Variants in SNTG1 observed in about 807,000 individuals in gnomAD.
SNTG1 encodes gamma-1-syntrophin.
SNTG1 carries 39 observed loss-of-function variants against 74.7 expected under a neutral mutation model. That is an observed-to-expected ratio of 0.52 (90% CI 0.40 to 0.68). The LOEUF is 0.68. Ranked by LOEUF, SNTG1 falls within the 30% of genes least tolerant of loss-of-function variation. The probability of loss-of-function intolerance (pLI) is 0.00; values close to 1 mark genes in which losing one functional copy is unlikely to be tolerated. For synonymous variants in SNTG1, 254 were observed against 217.1 expected, an observed-to-expected ratio of 1.17 and a Z score of -1.49; for missense variants, 685 against 609.5, an observed-to-expected ratio of 1.12 and a Z score of -1.30.
At chr8:50,516,947 C>T (rs1412587104) in intron 9 of SNTG1, among the ~76,000 whole-genome samples, 1 of 152,140 alleles carries the variant, frequency 6.6e-6, no homozygotes, top group Non-Finnish European at 1.5e-5. Context: ...ACAGAGAACA[C>T]CACAAAGACA....
intron 12 of SNTG1, among the ~76,000 whole-genome samples, chr8:50,587,023 CAT>C (rs1284381975): frequency 6.6e-6 from 1 of 151,984 alleles, no homozygotes; most frequent in Non-Finnish European, 1.5e-5. Flanking sequence ...TTGTCATACA[CAT>C]ATGTCTACTT....
intron 1 of SNTG1, among the ~76,000 whole-genome samples, chr8:50,130,396 AAG>A (rs1563636018): frequency 6.6e-6 from 1 of 152,144 alleles, no homozygotes; most frequent in Non-Finnish European, 1.5e-5. Flanking sequence ...AATATCAAGA[AAG>A]AGAAATACGA....
intron 17 of SNTG1, among the ~76,000 whole-genome samples, chr8:50,740,031 C>T (rs1375212038): frequency 6.6e-6 from 1 of 152,004 alleles, no homozygotes; most frequent in Non-Finnish European, 1.5e-5. Context: ...GGAATACAGC[C>T]TAGGCAATAC....
At chr8:50,369,458 T>G (rs1345950596) in intron 2 of SNTG1, among the ~76,000 whole-genome samples, 3 of 151,120 alleles carry the variant, frequency 2.0e-5, no homozygotes, top group Non-Finnish European at 3.0e-5. Context: ...TAGCCAGGGG[T>G]GGTAGTGCAT....
intron 8 of SNTG1, among the ~76,000 whole-genome samples, chr8:50,458,661 C>A (rs955067484): frequency 6.6e-6 from 1 of 152,052 alleles, no homozygotes; most frequent in Admixed American, 6.6e-5. Flanking sequence ...TCTACACTTG[C>A]CATGAAGTAG....
rs537230134 is a variant in SNTG1 at position 50,439,779 on chromosome 8, C to T, written c.219+1180C>T. On this transcript the variant is annotated intron_variant, in intron 5 of 18. Transcript: ENST00000642720. ...ATTGCTGTAAAGAATTTAAAAGTAC[C>T]ACTAAAGATACTAGAAAATCCATGA... 4.8e-5 allele frequency among the ~76,000 whole-genome samples: 7 copies of T among 146,692 alleles called. 1 individual carries two copies. The highest frequency in any genetic ancestry group is 1.8e-4 in the African/African-American group (7 of 39,754).
At chr8:50,203,861 C>A (rs1279543157) in intron 2 of SNTG1, among the ~76,000 whole-genome samples, 1 of 151,830 alleles carries the variant, frequency 6.6e-6, no homozygotes, top group Non-Finnish European at 1.5e-5. Context: ...ATAAAAATAA[C>A]AATGTAGGAT....
At chr8:50,346,227 C>T (rs1483088982) in intron 2 of SNTG1, among the ~76,000 whole-genome samples, 1 of 152,246 alleles carries the variant, frequency 6.6e-6, no homozygotes, top group Non-Finnish European at 1.5e-5. Flanking sequence ...ATTTTCCCAA[C>T]AGCATGTGCT....
chr8:50,684,552 A>T (rs915725544), intron 15 of SNTG1, among the ~76,000 whole-genome samples: 2 of 152,102 alleles, frequency 1.3e-5, no homozygotes, highest in Non-Finnish European at 2.9e-5. Context: ...ATGAAAACTG[A>T]TTTAAGTATA....
intron 2 of SNTG1, among the ~76,000 whole-genome samples, chr8:50,297,891 T>G (rs2089462720): frequency 6.6e-6 from 1 of 151,764 alleles, no homozygotes; most frequent in African/African-American, 2.4e-5. Context: ...TTTTTTTTTT[T>G]TTTACAACAA....
intron 2 of SNTG1, among the ~76,000 whole-genome samples, chr8:50,358,645 T>C (rs1374230434): frequency 1.3e-5 from 2 of 152,226 alleles, no homozygotes; most frequent in Non-Finnish European, 1.5e-5. Context: ...TGGATAATTT[T>C]CATAACTATA....
At chr8:49,936,777 G>A (rs1402792923) in intron 1 of SNTG1, among the ~76,000 whole-genome samples, 1 of 151,986 alleles carries the variant, frequency 6.6e-6, no homozygotes, top group Non-Finnish European at 1.5e-5. Flanking sequence ...TCCACACAAG[G>A]GAACTTTTTC....
intron 2 of SNTG1, among the ~76,000 whole-genome samples, chr8:50,365,408 C>T (rs1014945296): frequency 1.3e-5 from 2 of 151,974 alleles, no homozygotes; most frequent in East Asian, 1.9e-4. Flanking sequence ...GCTTTTAACT[C>T]CACGTAATAT....
intron 2 of SNTG1, among the ~76,000 whole-genome samples, chr8:50,224,228 A>G (rs1024593346): frequency 6.6e-6 from 1 of 152,216 alleles, no homozygotes; most frequent in African/African-American, 2.4e-5. Flanking sequence ...TGCTAAAGAT[A>G]TAAATTCTGC....
At chr8:50,205,642 C>T (rs151078378) in intron 2 of SNTG1, among the ~76,000 whole-genome samples, 3,508 of 152,246 alleles carry the variant, frequency 0.023, 129 homozygotes, top group African/African-American at 0.08. Context: ...AGTCCTTGCC[C>T]ATGCCTATGT....
chr8:50,673,103 G>A (rs1012598752), intron 15 of SNTG1, among the ~76,000 whole-genome samples: 2 of 152,164 alleles, frequency 1.3e-5, no homozygotes, highest in Non-Finnish European at 2.9e-5. Flanking sequence ...TTTGAAGTCA[G>A]GCAGCCTGAT....
chr8:50,767,133 G>A (rs538257539), intron 18 of SNTG1, among the ~76,000 whole-genome samples: 1 of 151,952 alleles, frequency 6.6e-6, no homozygotes, highest in South Asian at 2.1e-4. Flanking sequence ...TGATAATAGG[G>A]AAATACTTTC....
At chr8:50,036,395 C>A (rs1051314611) in intron 1 of SNTG1, among the ~76,000 whole-genome samples, 1 of 152,122 alleles carries the variant, frequency 6.6e-6, no homozygotes, top group Non-Finnish European at 1.5e-5. Context: ...TCTTTCCCAC[C>A]CAACTTTCAC....
intron 1 of SNTG1, among the ~76,000 whole-genome samples, chr8:50,086,607 T>C (rs1455990740): frequency 3.9e-5 from 6 of 152,046 alleles, no homozygotes; most frequent in African/African-American, 1.4e-4. Context: ...GGAGATAATG[T>C]CATGGGTTAT....
Sources: allele counts gnomAD v4.1 joint callset (sites outside exome capture counted in the v4.1 genomes callset), GRCh38; gene constraint gnomAD v4.1.1; transcripts MANE v1.5; gene names NCBI Gene and HGNC (gene_info 2026-07-23, HGNC 2026-07-21).